MALT1: variants seen among roughly 807,000 people sequenced by gnomAD.
The protein encoded by MALT1 is MALT1 paracaspase, also known as mucosa-associated lymphoid tissue lymphoma translocation protein 1.
In MALT1, 36 loss-of-function variants were observed where a neutral mutation model predicts 85.5. That is an observed-to-expected ratio of 0.42 (90% CI 0.32 to 0.56). The LOEUF is 0.56. Among genes scored for constraint, MALT1 ranks in the 20% least tolerant of loss-of-function variants. The pLI is 0.10. For missense variants in MALT1, 716 were observed against 981.6 expected (o/e 0.73, Z 3.62); for synonymous variants, 359 against 361.3 (o/e 0.99, Z 0.07).
At chr18:58,706,905 C>T (rs759046683) in intron 4 of MALT1, among the ~76,000 whole-genome samples, 1 of 152,048 alleles carries the variant, frequency 6.6e-6, no homozygotes, top group African/African-American at 2.4e-5. Context: ...TATCTTTCAT[C>T]GATTTTGAAT....
chr18:58,731,937 A>G (rs1260598935), intron 10 of MALT1, among the ~76,000 whole-genome samples: 2 of 152,052 alleles, frequency 1.3e-5, no homozygotes, highest in African/African-American at 4.8e-5. Flanking sequence ...GGGTATATCC[A>G]TTTTCTCATT....
rs2054159861 is a variant in MALT1, at chr18:58,671,581, G to A, written c.-63G>A. ...CTCGGAGGCGAGCGGAAGGTGCCCC[G>A]GGGCCGAGGCCCGTGACGGGGCGGG... On this transcript the variant is annotated 5_prime_UTR_variant, in exon 1 of 17. Transcript: ENST00000649217. The A allele has an allele frequency of 6.3e-6, 7 of 1,109,268 alleles. No individual in the cohort carries two copies. Among genetic ancestry groups the A allele is most frequent in the Admixed American group, 4.4e-5 (1 of 22,668 alleles). The allele number at this position is 1,109,268 out of a possible 1,614,324, so 68.7% of individuals were successfully genotyped here. A position where few individuals can be genotyped will look rare whatever the true frequency, so the allele number is the denominator to read the frequency against.
In MALT1 at chr18:58,689,825, A is replaced by G. The variant is rs563177258; in HGVS notation, c.377-6541A>G. On this transcript the variant is annotated intron_variant, in intron 2 of 16. Transcript: ENST00000649217. ...GGGGTGGCGGTTGCGGGGGATGGCAAAGCGGAGCTTGTGGGGAGAACCCAG... is the reference window on the plus strand; with the variant it reads ...GGGGTGGCGGTTGCGGGGGATGGCAGAGCGGAGCTTGTGGGGAGAACCCAG... Among the ~76,000 whole-genome samples the G allele has an allele frequency of 7.9e-4, 121 of 152,320 alleles. 1 individual carries two copies. The highest frequency in any genetic ancestry group is 2.9e-3 in the African/African-American group (119 of 41,570).
At chr18:58,684,060 GT>G (rs2054361696) in intron 2 of MALT1, among the ~76,000 whole-genome samples, 1 of 152,124 alleles carries the variant, frequency 6.6e-6, no homozygotes, top group African/African-American at 2.4e-5. Flanking sequence ...AGCCTCCTGA[GT>G]AGCTGGGACT....
intron 14 of MALT1, 89 bp from the exon 15 acceptor site, chr18:58,744,249 A>G: frequency 1.2e-6 from 1 of 827,382 alleles, no homozygotes; most frequent in South Asian, 2.3e-5. Context: ...TTTTTAAGCA[A>G]AAGAAATGCT....
chr18:58,705,343 C>CT (rs1229502044), intron 4 of MALT1, among the ~76,000 whole-genome samples: 4 of 144,568 alleles, frequency 2.8e-5, no homozygotes, highest in African/African-American at 7.8e-5. Flanking sequence ...TATTATTATA[C>CT]TTTAAGTTTT....
chr18:58,705,318 GTGTGTATT>G (rs2054732653), intron 4 of MALT1, among the ~76,000 whole-genome samples: 1 of 145,710 alleles, frequency 6.9e-6, no homozygotes, highest in South Asian at 2.1e-4. Flanking sequence ...GTGTGTGTGT[GTGTGTATT>G]TATTTTTATT....
chr18:58,746,985 C>T (rs1454483583), intron 16 of MALT1, among the ~76,000 whole-genome samples: 5 of 152,236 alleles, frequency 3.3e-5, no homozygotes, highest in Non-Finnish European at 5.9e-5. Context: ...GCGTCATCCT[C>T]CCAAAGTGCT....
At chr18:58,736,373 C>G (rs2055221426) in intron 13 of MALT1, among the ~76,000 whole-genome samples, 1 of 151,506 alleles carries the variant, frequency 6.6e-6, no homozygotes, top group African/African-American at 2.4e-5. Flanking sequence ...CAGAGAAGTT[C>G]CACTTTTATT....
intron 2 of MALT1, among the ~76,000 whole-genome samples, chr18:58,688,755 T>A (rs1478928214): frequency 6.6e-6 from 1 of 152,160 alleles, no homozygotes; most frequent in African/African-American, 2.4e-5. Flanking sequence ...GGTATATTCA[T>A]GAGCCGTGTC....
At chr18:58,733,849 TG>T (rs2055188100) in intron 11 of MALT1, 2 of 1,197,932 alleles carry the variant, frequency 1.7e-6, no homozygotes, top group East Asian at 8.4e-5. Context: ...TGCCTTTAGA[TG>T]ACTTTAATAA....
Position 58,706,726 on chromosome 18 carries a change from G to A in MALT1, c.650-2652G>A, listed in dbSNP as rs372107111. On this transcript the variant is annotated intron_variant, in intron 4 of 16. Coordinates refer to ENST00000649217, the MANE Select transcript of MALT1 (RefSeq NM_006785.4). ...GTCTTCATTTTTGAAGGATATTTTC[G>A]TCGTGTATAGAATTTTAGAGGTGTG... 5.3e-5 allele frequency among the ~76,000 whole-genome samples: 8 copies of A among 152,090 alleles called. No individual in the cohort carries two copies. The South Asian group carries it at 8.3e-4, about 16-fold the overall frequency.
At chr18:58,729,211 G>A (rs961493248) in intron 10 of MALT1, among the ~76,000 whole-genome samples, 6 of 151,970 alleles carry the variant, frequency 3.9e-5, no homozygotes, top group Non-Finnish European at 5.9e-5. Flanking sequence ...GTCCTGGGCC[G>A]GGCACGGTGG....
intron 3 of MALT1, among the ~76,000 whole-genome samples, chr18:58,699,462 T>C (rs932815364): frequency 3.9e-5 from 6 of 152,224 alleles, no homozygotes; most frequent in Admixed American, 1.3e-4. Context: ...TAGAGTTCAG[T>C]AACTTGGGGT....
chr18:58,732,892 A>G (rs1335381861), intron 10 of MALT1, among the ~76,000 whole-genome samples: 1 of 151,834 alleles, frequency 6.6e-6, no homozygotes, highest in Non-Finnish European at 1.5e-5. Flanking sequence ...TTTTAAGTGC[A>G]GACTGTTGGT....
chr18:58,684,166 C>CT, intron 2 of MALT1, among the ~76,000 whole-genome samples: 1 of 152,124 alleles, frequency 6.6e-6, no homozygotes, highest in South Asian at 2.1e-4. Flanking sequence ...CTCCTGGGCT[C>CT]TAAGCAGTCC....
At chr18:58,698,479 G>A (rs2054626812) in intron 3 of MALT1, among the ~76,000 whole-genome samples, 1 of 152,202 alleles carries the variant, frequency 6.6e-6, no homozygotes, top group South Asian at 2.1e-4. Context: ...GTGGAGAAGA[G>A]AAGGTGGATC....
Position 58,733,564 on chromosome 18 carries a change from T to C in MALT1, c.1390T>C (p.Cys464Arg). Residue 464 changes from cysteine to arginine, a missense_variant, in exon 11 of 17, where the codon TGT becomes CGT. Physicochemically the swap from Cys to Arg is radical, Grantham distance 180 (BLOSUM62 -3). This residue lies in a region of MALT1 where 86 missense variants were observed against 212.3 expected (regional missense o/e 0.41). Transcript: ENST00000649217. The stretch of plus-strand genomic sequence containing the variant: ...ACTTAATGTGTTCTTATTGGATATG[T>C]GTAGGAAAAGGTAAGTTTTCTAATC... Reference protein sequence around the residue: ...TGLNVFLLDMCRKRNDYDDTI... With the variant: ...TGLNVFLLDMRRKRNDYDDTI... The C allele has an allele frequency of 6.3e-7, 1 of 1,592,856 alleles. No individual in the cohort carries two copies. Among genetic ancestry groups the C allele is most frequent in the Non-Finnish European group, 8.5e-7 (1 of 1,171,116 alleles).
intron 2 of MALT1, among the ~76,000 whole-genome samples, chr18:58,688,052 G>A (rs906701554): frequency 6.6e-6 from 1 of 152,144 alleles, no homozygotes; most frequent in African/African-American, 2.4e-5. Context: ...AGCCTACGTA[G>A]CACTATACCA....
Sources: gnomAD v4.1 joint callset for allele counts (sites outside exome capture counted in the v4.1 genomes callset) on GRCh38, gnomAD v4.1.1 for gene constraint, gnomAD v4.1.1 regional missense constraint, MANE v1.5 for transcripts, NCBI Gene and HGNC (gene_info 2026-07-23, HGNC 2026-07-21) for gene names.